PIANP: variants seen among roughly 807,000 people sequenced by gnomAD.
The protein encoded by PIANP is PILR alpha-associated neural protein.
PIANP carries 14 observed loss-of-function variants against 28.9 expected under a neutral mutation model. That is an observed-to-expected ratio of 0.49 (90% CI 0.32 to 0.76). The LOEUF (loss-of-function observed/expected upper bound fraction) is 0.76, where lower values mean the gene tolerates loss of function less well. Ranked by LOEUF, PIANP falls within the 30% of genes least tolerant of loss-of-function variation. The pLI, the probability that PIANP is intolerant of heterozygous loss-of-function variation, is 0.03. For missense variants in PIANP, 322 were observed against 371.8 expected (o/e 0.87, Z 1.10); for synonymous variants, 149 against 156.6 (o/e 0.95, Z 0.36).
In PIANP at chr12:6,698,275, C is replaced by T. The variant is rs1020105391; in HGVS notation, c.-43-171G>A. On this transcript the variant is annotated intron_variant, in intron 1 of 4. Transcript: ENST00000534837. ...CATCCTTTTGGGGGAAAAACTCCAG[C>T]GTGGTTGCCTGACCAGACTCCAGCC... 7.8e-6 allele frequency: 5 copies of T among 641,030 alleles called. No individual in the cohort carries two copies. In the East Asian group the frequency reaches 1.4e-4, roughly 18 times the overall value. 39.7% of individuals were successfully genotyped at this position (641,030 alleles called of 1,614,324 possible).
At chr12:6,698,021 C>A (rs1266112275) in intron 2 of PIANP, 24 bp downstream of exon 2, 2 of 1,556,150 alleles carry the variant, frequency 1.3e-6, no homozygotes, top group South Asian at 2.4e-5. Context: ...GGTCTCCAGG[C>A]TCCCTCTGCT....
intron 1 of PIANP, among the ~76,000 whole-genome samples, chr12:6,699,629 G>A (rs1227981385): frequency 6.6e-6 from 1 of 151,156 alleles, no homozygotes; most frequent in African/African-American, 2.4e-5. Context: ...AGGAGAGAGC[G>A]GTCCAGGCAG....
Position 6,695,495 on chromosome 12 carries a change from C to A in PIANP, c.762G>T (p.Glu254Asp), listed in dbSNP as rs1260688145. Residue 254 changes from glutamate to aspartate, a missense_variant, in exon 5 of 5, where the codon GAG (glutamate) becomes GAT (aspartate). By Grantham distance (45) the Glu-to-Asp change is conservative (BLOSUM62 2). Transcript: ENST00000534837. This position sits in a 1 kb window ranked among gnomAD's most constrained non-coding sequence, Gnocchi z 4.2. ...DSPTPTPDHEEPRGGPRPGMP... is the reference protein window; with the variant it reads ...DSPTPTPDHEDPRGGPRPGMP... ...TCCCAGGCCGGGGTCCCCCTCGGGGCTCCTCATGGTCAGGGGTGGGGGTAG... is the reference window on the plus strand; with the variant it reads ...TCCCAGGCCGGGGTCCCCCTCGGGGATCCTCATGGTCAGGGGTGGGGGTAG... 2 of 1,539,966 alleles carry A rather than the reference C, an allele frequency of 1.3e-6. No homozygotes were observed. Among genetic ancestry groups the A allele is most frequent in the South Asian group, 1.3e-5 (1 of 79,492 alleles).
In PIANP at chr12:6,696,344, A is replaced by C. The variant is rs1483062901; in HGVS notation, c.605+99T>G. On this transcript the variant is annotated intron_variant, in intron 4 of 4. Transcript: ENST00000534837. This position sits in a 1 kb window ranked among gnomAD's most constrained non-coding sequence, Gnocchi z 4.0. ...TGCCTTCATCCAGCATTTCCCACCC[A>C]CCCCCCAGCAAAATTGCTGCCACTG... The C allele has an allele frequency of 7.7e-6, 6 of 780,554 alleles. No individual in the cohort carries two copies. The highest frequency in any genetic ancestry group is 3.3e-5 in the Admixed American group (1 of 30,472). 48.4% of individuals were successfully genotyped at this position (780,554 alleles called of 1,614,324 possible).
downstream of PIANP, among the ~76,000 whole-genome samples, chr12:6,692,631 C>T (rs1959726848): frequency 6.6e-6 from 1 of 152,194 alleles, no homozygotes; most frequent in Admixed American, 6.5e-5. Flanking sequence ...GTTGACTCCT[C>T]AGAAGCTTGT....
At chr12:6,698,454 T>C in intron 1 of PIANP, 1 of 283,778 alleles carries the variant, frequency 3.5e-6, no homozygotes, top group Non-Finnish European at 6.8e-6. Flanking sequence ...CTTGAGCACC[T>C]ACCGCTAGGG....
In PIANP at chr12:6,696,615, A is replaced by G. The variant is rs1592448664; in HGVS notation, c.524-91T>C. On this transcript the variant is annotated intron_variant, in intron 3 of 4. Coordinates refer to ENST00000534837, the MANE Select transcript of PIANP (RefSeq NM_001244014.2). This position sits in a 1 kb window ranked among gnomAD's most constrained non-coding sequence, Gnocchi z 4.0. ...CTGGGCTGTGGGCTCTGTCGGCTGGAGTGGCATTGCTGTGTGGATCCACAC... is the reference window on the plus strand; with the variant it reads ...CTGGGCTGTGGGCTCTGTCGGCTGGGGTGGCATTGCTGTGTGGATCCACAC... 1 of 874,172 alleles carries G rather than the reference A, an allele frequency of 1.1e-6. No individual in the cohort carries two copies. Among genetic ancestry groups the G allele is most frequent in the Non-Finnish European group, 1.7e-6 (1 of 599,616 alleles). The allele number at this position is 874,172 out of a possible 1,614,324, so 54.2% of individuals were successfully genotyped here.
In PIANP at chr12:6,695,487, C is replaced by A. The variant is rs775565421; in HGVS notation, c.770G>T (p.Gly257Val). 2 of 1,532,836 alleles carry A rather than the reference C, an allele frequency of 1.3e-6. No homozygotes were observed. Among genetic ancestry groups the A allele is most frequent in the Non-Finnish European group, 1.8e-6 (2 of 1,139,628 alleles). The allele number at this position is 1,532,836 out of a possible 1,614,324, so 95.0% of individuals were successfully genotyped here. Residue 257 changes from glycine to valine, a missense_variant, in exon 5 of 5, where the codon GGG (glycine) becomes GTG (valine). Physicochemically the swap from Gly to Val is moderately radical, Grantham distance 109. Coordinates refer to ENST00000534837, the MANE Select transcript of PIANP (RefSeq NM_001244014.2). This position sits in a 1 kb window ranked among gnomAD's most constrained non-coding sequence, Gnocchi z 4.2. ...GTGGGGCATCCCAGGCCGGGGTCCC[C>A]CTCGGGGCTCCTCATGGTCAGGGGT... ...TPTPDHEEPR[G>V]GPRPGMPHPK...
chr12:6,699,707 G>A (rs529823531), intron 1 of PIANP, among the ~76,000 whole-genome samples: 1 of 151,978 alleles, frequency 6.6e-6, no homozygotes, highest in East Asian at 1.9e-4. Flanking sequence ...GGGGAGAAAG[G>A]AAGTGGGGAA....
At position 6,694,843 on chromosome 12, in the gene PIANP, G is replaced by T. The variant is rs1036055321; in HGVS notation, c.*583C>A. ...CAGGGACCCGAAGTCACAGATATGT[G>T]AGGCCCCCACCTGCAGGAGGGCGAG... is the stretch of plus-strand genomic sequence containing the variant. On this transcript the variant is annotated 3_prime_UTR_variant, in exon 5 of 5. Coordinates refer to ENST00000534837, the MANE Select transcript of PIANP (RefSeq NM_001244014.2). The surrounding 1 kb of genome is among the most constrained non-coding windows in gnomAD (Gnocchi z 6.1). The T allele has an allele frequency of 4.1e-5, 26 of 627,138 alleles. No homozygotes were observed. The African/African-American group carries it at 4.4e-4, about 11-fold the overall frequency. 38.8% of individuals were successfully genotyped at this position (627,138 alleles called of 1,614,324 possible). A position where few individuals can be genotyped will look rare whatever the true frequency, so the allele number is the denominator to read the frequency against.
chr12:6,698,746 G>A (rs1393727429), intron 1 of PIANP, among the ~76,000 whole-genome samples: 1 of 152,196 alleles, frequency 6.6e-6, no homozygotes, highest in Non-Finnish European at 1.5e-5. Flanking sequence ...GTGCATAGGT[G>A]CCCTCTGAAG....
chr12:6,699,534 G>A (rs562918183), intron 1 of PIANP, among the ~76,000 whole-genome samples: 1 of 152,038 alleles, frequency 6.6e-6, no homozygotes, highest in East Asian at 1.9e-4. Context: ...GCCGAAGGGA[G>A]GAAAGGATGA....
In PIANP at chr12:6,696,369, G is replaced by A; in HGVS notation, c.605+74C>T. The A allele has an allele frequency of 1.7e-6, 2 of 1,181,496 alleles. No homozygotes were observed. Among genetic ancestry groups the A allele is most frequent in the Non-Finnish European group, 1.2e-6 (1 of 862,032 alleles). The allele number at this position is 1,181,496 out of a possible 1,614,324, so 73.2% of individuals were successfully genotyped here. On this transcript the variant is annotated intron_variant, in intron 4 of 4. Transcript: ENST00000534837. This position sits in a 1 kb window ranked among gnomAD's most constrained non-coding sequence, Gnocchi z 4.0. ...ACCCCCCAGCAAAATTGCTGCCACTGCCCCTCGTGGTTAGAGCCTCGACTG... is the reference window on the plus strand; with the variant it reads ...ACCCCCCAGCAAAATTGCTGCCACTACCCCTCGTGGTTAGAGCCTCGACTG...
chr12:6,697,306 C>G lies in PIANP; in HGVS notation c.504G>C (p.Leu168=), dbSNP rs555302771. Residue 168 remains leucine (L), a synonymous_variant, in exon 3 of 5, where the codon CTG becomes CTC. Coordinates refer to ENST00000534837, the MANE Select transcript of PIANP (RefSeq NM_001244014.2). This position sits in a 1 kb window ranked among gnomAD's most constrained non-coding sequence, Gnocchi z 6.9. The stretch of plus-strand genomic sequence containing the variant: ...ACTCACCTTCCCCACGGCCCCCGAA[C>G]AGGAATGGCCGCAGGGTGGCAGGTG... ...GEAPATLRPF[L]FGGRGEGVDP... is the part of the protein sequence containing the mutation. 1.9e-5 allele frequency: 30 copies of G among 1,613,818 alleles called. No individual in the cohort carries two copies. The highest frequency in any genetic ancestry group is 2.5e-5 in the Non-Finnish European group (29 of 1,179,884).
In PIANP at chr12:6,695,906, TC is replaced by T. The variant is rs1792442160; in HGVS notation, c.606-256del. On this transcript the variant is annotated intron_variant, in intron 4 of 4. Coordinates refer to ENST00000534837, the MANE Select transcript of PIANP (RefSeq NM_001244014.2). The surrounding 1 kb of genome is among the most constrained non-coding windows in gnomAD (Gnocchi z 4.2). The stretch of plus-strand genomic sequence containing the variant: ...CTGATCCAGATCGACAAAATTAATA[TC>T]CCCTCCCCACCACCACAATGTCCTC... Among the ~76,000 whole-genome samples the T allele has an allele frequency of 1.3e-5, 2 of 151,758 alleles. No individual in the cohort carries two copies. Among genetic ancestry groups the T allele is most frequent in the South Asian group, 4.2e-4 (2 of 4,802 alleles).
At chr12:6,699,310 AAAGT>A (rs1959977148) in intron 1 of PIANP, among the ~76,000 whole-genome samples, 3 of 152,266 alleles carry the variant, frequency 2.0e-5, no homozygotes, top group Admixed American at 2.0e-4. Flanking sequence ...ACAAGATGGG[AAAGT>A]CACGGGAAGG....
rs148472703 is a variant in PIANP at position 6,696,780 on chromosome 12, G to A, written c.524-256C>T. Among the ~76,000 whole-genome samples the A allele has an allele frequency of 1.0e-3, 155 of 152,266 alleles. No individual in the cohort carries two copies. The highest frequency in any genetic ancestry group is 3.4e-3 in the African/African-American group (141 of 41,538). On this transcript the variant is annotated intron_variant, in intron 3 of 4. Coordinates refer to ENST00000534837, the MANE Select transcript of PIANP (RefSeq NM_001244014.2). This position sits in a 1 kb window ranked among gnomAD's most constrained non-coding sequence, Gnocchi z 4.0. ...ATATGTGATGAGGATGAGGCCCCAT[G>A]ATCAGCGAGAACCTATCACTATGCC... is the stretch of plus-strand genomic sequence containing the variant.
At position 6,697,731 on chromosome 12, in the gene PIANP, G is replaced by C. The variant is rs755798138; in HGVS notation, c.79C>G (p.Pro27Ala). ...LWPLLLLPLP[P>A]PAQGSSSSPR... ...GAGGATGAAGAGCCCTGAGCAGGCGGTGGGAGGGGCAGCAACAGCAGTGGC... is the reference window on the plus strand; with the variant it reads ...GAGGATGAAGAGCCCTGAGCAGGCGCTGGGAGGGGCAGCAACAGCAGTGGC... The change falls in exon 3 of 5, where the codon CCG (proline) becomes GCG (alanine). Residue 27 changes from proline to alanine, a missense_variant. Physicochemically the swap from Pro to Ala is conservative, Grantham distance 27 (BLOSUM62 -1). Transcript: ENST00000534837. This position sits in a 1 kb window ranked among gnomAD's most constrained non-coding sequence, Gnocchi z 6.9. The C allele has an allele frequency of 1.3e-5, 20 of 1,555,898 alleles. No homozygotes were observed. In the African/African-American group the frequency reaches 2.7e-4, roughly 21 times the overall value.
chr12:6,698,480 A>AG (rs1446588109), intron 1 of PIANP: 1 of 260,382 alleles, frequency 3.8e-6, no homozygotes, highest in East Asian at 1.1e-4. Flanking sequence ...GTCTGAGGGT[A>AG]GGGGGAGGGA....
Sources: gnomAD v4.1 joint callset for allele counts (sites outside exome capture counted in the v4.1 genomes callset) on GRCh38, gnomAD v4.1.1 for gene constraint, Gnocchi (gnomAD v3.1) non-coding constraint, MANE v1.5 for transcripts, NCBI Gene and HGNC (gene_info 2026-07-23, HGNC 2026-07-21) for gene names.